Variants in PPARGC1A observed in about 807,000 individuals in gnomAD.
PPARGC1A encodes the protein peroxisome proliferator-activated receptor gamma coactivator 1-alpha.
Under a neutral mutation model 88.7 loss-of-function variants are expected in PPARGC1A, and 25 were observed. That is an observed-to-expected ratio of 0.28 (90% CI 0.21 to 0.39). The LOEUF (loss-of-function observed/expected upper bound fraction) is 0.39. PPARGC1A is among the 10% of genes least tolerant of loss of function. PPARGC1A has a pLI of 1.00. For synonymous variants in PPARGC1A, 363 were observed against 355.6 expected (o/e 1.02, Z -0.24); for missense variants, 880 against 968.7 (o/e 0.91, Z 1.22).
upstream of PPARGC1A, chr4:23,904,064 G>A: frequency 1.0e-6 from 1 of 982,270 alleles, no homozygotes; most frequent in Non-Finnish European, 1.2e-6. Context: ...GCAAATACTG[G>A]TATCATGAGA....
chr4:23,890,613 T>C (rs1717696776), upstream of PPARGC1A, among the ~76,000 whole-genome samples: 1 of 146,978 alleles, frequency 6.8e-6, no homozygotes, highest in Admixed American at 6.8e-5. Context: ...TTTTTTTTTT[T>C]TTTTTTTTTT....
chr4:23,876,040 A>C (rs1050696820), intron 2 of PPARGC1A: 1 of 152,252 alleles, frequency 6.6e-6, no homozygotes, highest in Non-Finnish European at 1.5e-5. Context: ...GCTTTCTACT[A>C]AAGTTCCAAG....
At position 23,809,714 on chromosome 4, in the gene PPARGC1A, T is replaced by G. The variant is rs78933325; in HGVS notation, c.2019+3033A>C. ...GATAAATGAAGTATTTTACACTATT[T>G]TTTTATACTAAGTCTTCTAAATCCA... On this transcript the variant is annotated intron_variant, in intron 10 of 12. Coordinates refer to ENST00000264867, the MANE Select transcript of PPARGC1A (RefSeq NM_013261.5). Among the ~76,000 whole-genome samples, 439 of 152,344 alleles carry G rather than the reference T, an allele frequency of 2.9e-3. 14 individuals are homozygous for G. In the East Asian group the frequency reaches 0.054, roughly 19 times the overall value.
the PPARGC1A span, among the ~76,000 whole-genome samples, chr4:24,013,502 A>G: frequency 3.9e-5 from 6 of 152,012 alleles, no homozygotes; most frequent in Non-Finnish European, 8.8e-5. Flanking sequence ...ATTTTTGCCT[A>G]CTTGCTTTCC....
At chr4:24,210,835 G>C in the PPARGC1A span, among the ~76,000 whole-genome samples, 2 of 152,202 alleles carry the variant, frequency 1.3e-5, no homozygotes, top group Non-Finnish European at 2.9e-5. Context: ...CTTCAACGGA[G>C]GGCACTGTAC....
At chr4:24,273,888 G>A in the PPARGC1A span, among the ~76,000 whole-genome samples, 69 of 151,520 alleles carry the variant, frequency 4.6e-4, no homozygotes, top group African/African-American at 1.2e-3. Context: ...CCGCCACCAC[G>A]CCCAGCTAAT....
At chr4:24,224,487 A>G in the PPARGC1A span, among the ~76,000 whole-genome samples, 19 of 152,222 alleles carry the variant, frequency 1.2e-4, no homozygotes. Flanking sequence ...CGATGCCTAA[A>G]TGCTAACACA....
chr4:24,233,376 T>C, the PPARGC1A span, among the ~76,000 whole-genome samples: 2 of 152,108 alleles, frequency 1.3e-5, no homozygotes, highest in Admixed American at 1.3e-4. Context: ...TCTCTCTCTC[T>C]TTTCTCATCT....
chr4:24,220,053 G>A, the PPARGC1A span, among the ~76,000 whole-genome samples: 1 of 152,102 alleles, frequency 6.6e-6, no homozygotes, highest in Non-Finnish European at 1.5e-5. Context: ...CCATTAAAAA[G>A]TGGAACAAAG....
At chr4:24,185,143 C>A in the PPARGC1A span, among the ~76,000 whole-genome samples, 1 of 152,166 alleles carries the variant, frequency 6.6e-6, no homozygotes, top group African/African-American at 2.4e-5. Flanking sequence ...AAAATGAAAT[C>A]ATCAGATGTA....
chr4:23,976,706 C>T, the PPARGC1A span, among the ~76,000 whole-genome samples: 1 of 152,130 alleles, frequency 6.6e-6, no homozygotes, highest in Non-Finnish European at 1.5e-5. Flanking sequence ...TGTGTATGCA[C>T]ACAGAGAAAA....
At chr4:23,900,175 T>C (rs1235596040), upstream of PPARGC1A, among the ~76,000 whole-genome samples, 2 of 152,204 alleles carry the variant, frequency 1.3e-5, no homozygotes, top group Non-Finnish European at 2.9e-5. Flanking sequence ...TTTCCTCATC[T>C]ATCAAAAAAT....
chr4:24,181,237 A>G, the PPARGC1A span, among the ~76,000 whole-genome samples: 2 of 152,234 alleles, frequency 1.3e-5, no homozygotes, highest in Admixed American at 6.5e-5. Context: ...TATCTACAAG[A>G]GTGATCATAG....
chr4:24,276,025 A>G, the PPARGC1A span, among the ~76,000 whole-genome samples: 2 of 152,202 alleles, frequency 1.3e-5, no homozygotes, highest in Non-Finnish European at 2.9e-5. Context: ...GCATAAATAT[A>G]AAAACACTAC....
At chr4:23,991,386 A>G in the PPARGC1A span, among the ~76,000 whole-genome samples, 1 of 152,274 alleles carries the variant, frequency 6.6e-6, no homozygotes, top group Middle Eastern at 3.4e-3. Context: ...AAAATCAACC[A>G]GGTAAGAGAA....
intron 1 of PPARGC1A, among the ~76,000 whole-genome samples, chr4:23,898,387 GT>G (rs1470567851): frequency 4.6e-5 from 7 of 152,152 alleles, no homozygotes; most frequent in African/African-American, 1.7e-4. Context: ...CAGCTTGGAG[GT>G]TTTCCTTTAA....
chr4:24,103,655 G>A, the PPARGC1A span, among the ~76,000 whole-genome samples: 1 of 148,670 alleles, frequency 6.7e-6, no homozygotes, highest in Admixed American at 6.7e-5. Context: ...CTGCCGCTTT[G>A]ATGCTGTGTG....
In PPARGC1A at chr4:23,873,798, G is replaced by GA. The variant is rs200450986; in HGVS notation, c.234+10953dup. Among the ~76,000 whole-genome samples, 70 of 148,448 alleles carry GA rather than the reference G, an allele frequency of 4.7e-4. No individual in the cohort carries two copies. The East Asian group carries it at 0.011, about 24-fold the overall frequency. ...CTGATTTGCACTACAAGAATAGAAAGAAAAAAAAAGAAGTTTTAAAGGGGA... is the reference window on the plus strand; with the variant it reads ...CTGATTTGCACTACAAGAATAGAAAGAAAAAAAAAAGAAGTTTTAAAGGGGA... On this transcript the variant is annotated intron_variant, in intron 2 of 12. Coordinates refer to ENST00000264867, the MANE Select transcript of PPARGC1A (RefSeq NM_013261.5).
chr4:24,316,315 G>A, the PPARGC1A span, among the ~76,000 whole-genome samples: 3 of 152,186 alleles, frequency 2.0e-5, no homozygotes, highest in African/African-American at 7.2e-5. Flanking sequence ...CTCACAAGCT[G>A]CTGGCTCAGT....
Sources: allele counts gnomAD v4.1 joint callset (sites outside exome capture counted in the v4.1 genomes callset), GRCh38; gene constraint gnomAD v4.1.1; transcripts MANE v1.5; gene names NCBI Gene and HGNC (gene_info 2026-07-23, HGNC 2026-07-21).